Variants in SMPDL3B observed in about 807,000 individuals in gnomAD.
SMPDL3B encodes sphingomyelin phosphodiesterase acid like 3B, also known as acid sphingomyelinase-like phosphodiesterase 3b.
Under a neutral mutation model 37.9 loss-of-function variants are expected in SMPDL3B, and 31 were observed. That is an observed-to-expected ratio of 0.82 (90% CI 0.61 to 1.10). SMPDL3B has a LOEUF of 1.10. SMPDL3B is among the 50% of genes least tolerant of loss of function. SMPDL3B has a pLI of 0.00. For synonymous variants in SMPDL3B, 235 were observed against 242.6 expected (o/e 0.97, Z 0.29); for missense variants, 525 against 597.8 (o/e 0.88, Z 1.27).
chr1:27,947,325 T>C (rs925441801), intron 2 of SMPDL3B, among the ~76,000 whole-genome samples: 1 of 151,990 alleles, frequency 6.6e-6, no homozygotes, highest in African/African-American at 2.4e-5. Flanking sequence ...CGTGAGCCAC[T>C]GCACCCGGCC....
chr1:27,953,001 G>T (rs1055952297), intron 3 of SMPDL3B, among the ~76,000 whole-genome samples: 30 of 152,170 alleles, frequency 2.0e-4, no homozygotes, highest in African/African-American at 7.0e-4. Context: ...AATGGGTTTA[G>T]GGACTGTGAT....
At chr1:27,939,530 AC>A (rs1464963655) in intron 1 of SMPDL3B, among the ~76,000 whole-genome samples, 1 of 152,086 alleles carries the variant, frequency 6.6e-6, no homozygotes, top group African/African-American at 2.4e-5. Context: ...GGTGGCATAT[AC>A]CTGCATTCCT....
chr1:27,949,224 G>A (rs895992170), intron 3 of SMPDL3B, 62 bp downstream of exon 3: 142 of 1,540,036 alleles, frequency 9.2e-5, no homozygotes, highest in Non-Finnish European at 1.2e-4. Context: ...GCCTGGCACA[G>A]TGGGACAACA....
At chr1:27,935,284 C>G (rs1411106729) in intron 1 of SMPDL3B, 40 bp downstream of exon 1, 2 of 1,477,524 alleles carry the variant, frequency 1.4e-6, no homozygotes, top group Admixed American at 1.7e-5. Context: ...TTGTTTTGTA[C>G]TGTGAACTCT....
rs769143439 is a variant in SMPDL3B, at chr1:27,953,340, A to G, written c.499A>G (p.Ile167Val). Reference protein sequence around the residue: ...LWKPWLSNESIALFKKGAFYC... With the variant: ...LWKPWLSNESVALFKKGAFYC... ...GAAACCCTGGCTTAGTAATGAGTCC[A>G]TCGCTCTCTTCAAAAAAGGTACCAA... Residue 167 changes from isoleucine to valine, a missense_variant, in exon 4 of 8, where the codon ATC becomes GTC. Coordinates refer to ENST00000373894, the MANE Select transcript of SMPDL3B (RefSeq NM_014474.4). The G allele has an allele frequency of 4.0e-5, 65 of 1,612,400 alleles. No homozygotes were observed. Among genetic ancestry groups the G allele is most frequent in the East Asian group, 4.5e-5 (2 of 44,882 alleles).
intron 1 of SMPDL3B, among the ~76,000 whole-genome samples, chr1:27,943,237 G>A (rs2090375499): frequency 6.6e-6 from 1 of 152,228 alleles, no homozygotes; most frequent in South Asian, 2.1e-4. Flanking sequence ...GTGGGATAAT[G>A]TTCCCAGGGC....
chr1:27,940,780 A>T (rs967926247), intron 1 of SMPDL3B, among the ~76,000 whole-genome samples: 1 of 152,236 alleles, frequency 6.6e-6, no homozygotes, highest in African/African-American at 2.4e-5. Context: ...CTTTAACAAG[A>T]TCCCCAGTGA....
At chr1:27,948,246 T>C (rs902242707) in intron 2 of SMPDL3B, among the ~76,000 whole-genome samples, 3 of 152,184 alleles carry the variant, frequency 2.0e-5, no homozygotes, top group Non-Finnish European at 4.4e-5. Flanking sequence ...AGAATTTACA[T>C]TGCAGTGTTA....
chr1:27,942,433 G>A (rs982369045), intron 1 of SMPDL3B: 15 of 444,176 alleles, frequency 3.4e-5, no homozygotes, highest in Admixed American at 3.0e-4. Flanking sequence ...CAACTAACTG[G>A]TATGAGGCAG....
chr1:27,935,000 A>G lies in SMPDL3B; in HGVS notation c.-184A>G, dbSNP rs377576672. The G allele has an allele frequency of 7.3e-4, 423 of 580,406 alleles. 1 individual carries two copies. The highest frequency in any genetic ancestry group is 7.3e-3 in the African/African-American group (384 of 52,834). 36.0% of individuals were successfully genotyped at this position (580,406 alleles called of 1,614,324 possible). ...CTGCCTCCTCGGGCCAGCCCAGATC[A>G]TACCCTGCTGGGCAAAGGAGGAAGA... On this transcript the variant is annotated 5_prime_UTR_variant, in exon 1 of 8. Coordinates refer to ENST00000373894, the MANE Select transcript of SMPDL3B (RefSeq NM_014474.4).
At chr1:27,950,662 C>T (rs1472998758) in intron 3 of SMPDL3B, among the ~76,000 whole-genome samples, 1 of 152,092 alleles carries the variant, frequency 6.6e-6, no homozygotes, top group Admixed American at 6.5e-5. Flanking sequence ...CTGAGTCTTG[C>T]TCCGTCGCCC....
chr1:27,945,114 A>C lies in SMPDL3B; in HGVS notation c.62-118A>C. On this transcript the variant is annotated intron_variant, in intron 1 of 7. Coordinates refer to ENST00000373894, the MANE Select transcript of SMPDL3B (RefSeq NM_014474.4). This position sits in a 1 kb window ranked among gnomAD's most constrained non-coding sequence, Gnocchi z 4.0. ...TTTTCTCTGAACCCGGGGTGCTCAG[A>C]GAAGACTTCCATTTGCCTGTGTAAC... 1 of 893,838 alleles carries C rather than the reference A, an allele frequency of 1.1e-6. No homozygotes were observed. Among genetic ancestry groups the C allele is most frequent in the East Asian group, 2.6e-5 (1 of 39,018 alleles). The allele number at this position is 893,838 out of a possible 1,614,324, so 55.4% of individuals were successfully genotyped here.
chr1:27,943,512 C>A (rs1377118564), intron 1 of SMPDL3B, among the ~76,000 whole-genome samples: 1 of 152,124 alleles, frequency 6.6e-6, no homozygotes, highest in African/African-American at 2.4e-5. Flanking sequence ...GAAGTCCAGT[C>A]TCCCAGGCCC....
chr1:27,954,551 T>C lies in SMPDL3B; in HGVS notation c.690+25T>C, dbSNP rs752138728. ...GGTAAGAGGCCCTGCTTCTTTCTTT[T>C]CTCATCTGGGGTTATTTCCTGCACA... On this transcript the variant is annotated intron_variant, in intron 5 of 7. Transcript: ENST00000373894. 38 of 1,608,714 alleles carry C rather than the reference T, an allele frequency of 2.4e-5. No homozygotes were observed. The South Asian group carries it at 4.1e-4, about 17-fold the overall frequency.
chr1:27,955,446 A>C (rs1003503303), intron 5 of SMPDL3B, among the ~76,000 whole-genome samples: 10 of 152,186 alleles, frequency 6.6e-5, no homozygotes, highest in Non-Finnish European at 1.5e-5. Context: ...GGGAGGATTT[A>C]CAGAAGTGAA....
intron 2 of SMPDL3B, 200 bp from the exon 3 acceptor site, chr1:27,948,865 G>C: frequency 1.1e-6 from 1 of 901,862 alleles, no homozygotes; most frequent in Non-Finnish European, 1.7e-6. Context: ...AGCCAATCAA[G>C]GGACCCACAG....
rs1367494996 is a variant in SMPDL3B, at chr1:27,958,506, C to G, written c.1036C>G (p.Gln346Glu). ...GGTGACCTACTTCATGAACCTGAGC[C>G]AGGCGAATGCTCAGGGGACGCCGCG... The part of the protein sequence containing the change: ...DMVTYFMNLS[Q>E]ANAQGTPRWE... The change falls in exon 8 of 8, where the codon CAG becomes GAG. Residue 346 changes from glutamine (Q) to glutamate (E), a missense_variant. Physicochemically the swap from Gln to Glu is conservative, Grantham distance 29. Transcript: ENST00000373894. The surrounding 1 kb of genome is among the most constrained non-coding windows in gnomAD (Gnocchi z 5.6). 3.7e-6 allele frequency: 6 copies of G among 1,609,566 alleles called. No homozygotes were observed. The highest frequency in any genetic ancestry group is 5.1e-6 in the Non-Finnish European group (6 of 1,176,412).
chr1:27,946,741 G>A (rs2090411427), intron 2 of SMPDL3B, among the ~76,000 whole-genome samples: 1 of 152,222 alleles, frequency 6.6e-6, no homozygotes, highest in Non-Finnish European at 1.5e-5. Flanking sequence ...AAGGCAGGGT[G>A]AAACCCATGA....
intron 7 of SMPDL3B, 73 bp downstream of exon 7, chr1:27,956,155 C>G (rs769047077): frequency 6.2e-7 from 1 of 1,613,464 alleles, no homozygotes; most frequent in African/African-American, 1.3e-5. Context: ...CCCTCACTCT[C>G]AGCTTATCCA....
Sources: allele counts gnomAD v4.1 joint callset (sites outside exome capture counted in the v4.1 genomes callset), GRCh38; gene constraint gnomAD v4.1.1; non-coding constraint Gnocchi (gnomAD v3.1); transcripts MANE v1.5; gene names NCBI Gene and HGNC (gene_info 2026-07-23, HGNC 2026-07-21).